The following WDHD1 variants were observed in gnomAD, a reference collection of about 807,000 sequenced individuals.
The protein encoded by WDHD1 is WD repeat and HMG-box DNA binding protein 1.
A neutral mutation model predicts 135.4 loss-of-function variants in WDHD1; 111 were observed. That is an observed-to-expected ratio of 0.82 (90% CI 0.70 to 0.96). The LOEUF (loss-of-function observed/expected upper bound fraction) is 0.96. Among genes scored for constraint, WDHD1 ranks in the 40% least tolerant of loss-of-function variants. The pLI, the probability that WDHD1 is intolerant of heterozygous loss-of-function variation, is 0.00. For missense variants in WDHD1, 1,351 were observed against 1,336.3 expected (o/e 1.01, Z -0.17); for synonymous variants, 434 against 439.0 (o/e 0.99, Z 0.14).
chr14:55,004,961 G>A, intron 7 of WDHD1: 1 of 540,418 alleles, frequency 1.9e-6, no homozygotes, highest in South Asian at 1.4e-5. Context: ...CATCAGACCA[G>A]TCTGCAACCT....
chr14:54,987,109 T>C, intron 14 of WDHD1, 37 bp downstream of exon 14: 1 of 1,601,598 alleles, frequency 6.2e-7, no homozygotes, highest in Non-Finnish European at 8.5e-7. Context: ...GTAATTTCCA[T>C]TTTACTTCAA....
intron 11 of WDHD1, among the ~76,000 whole-genome samples, chr14:54,993,671 C>T (rs1238697212): frequency 6.6e-6 from 1 of 152,052 alleles, no homozygotes; most frequent in Non-Finnish European, 1.5e-5. Flanking sequence ...TAGACTTAAT[C>T]CAGAAAAGTA....
chr14:54,986,225 A>G (rs1216770228), intron 14 of WDHD1, among the ~76,000 whole-genome samples: 1 of 152,250 alleles, frequency 6.6e-6, no homozygotes, highest in East Asian at 1.9e-4. Context: ...TGAAATAAAA[A>G]AATTTAAACT....
intron 2 of WDHD1, among the ~76,000 whole-genome samples, chr14:55,016,159 G>T (rs190868404): frequency 1.5e-3 from 235 of 152,314 alleles, no homozygotes; most frequent in Non-Finnish European, 1.6e-3. Flanking sequence ...AGAGCTTTTA[G>T]AGTAGTCTGA....
rs199983052 is a variant in WDHD1, at chr14:54,941,721, G to A, written c.3190-31C>T. The stretch of plus-strand genomic sequence containing the variant: ...TAAAATGGCAGGAGTGAAAAGGAAA[G>A]ATTTTTAGAAAATAACAAATAAGAA... On this transcript the variant is annotated intron_variant, in intron 25 of 25. Transcript: ENST00000360586. 6.3e-4 allele frequency: 975 copies of A among 1,552,972 alleles called. 5 individuals are homozygous for A. The highest frequency in any genetic ancestry group is 3.4e-3 in the Middle Eastern group (20 of 5,828).
intron 24 of WDHD1, among the ~76,000 whole-genome samples, chr14:54,954,793 G>A (rs559086753): frequency 2.0e-5 from 3 of 152,264 alleles, no homozygotes; most frequent in South Asian, 4.1e-4. Context: ...GCAGCGGTGT[G>A]ATCTCAGATG....
At position 54,966,405 on chromosome 14, in the gene WDHD1, G is replaced by C. The variant is rs1056928906; in HGVS notation, c.2310+70C>G. ...TTGTGGGACTTAGTCCTAATGCACAGACCTTTAAGAAATTCAACCTATAGA... is the reference window on the plus strand; with the variant it reads ...TTGTGGGACTTAGTCCTAATGCACACACCTTTAAGAAATTCAACCTATAGA... On this transcript the variant is annotated intron_variant, in intron 18 of 25. Coordinates refer to ENST00000360586, the MANE Select transcript of WDHD1 (RefSeq NM_007086.4). 29 of 1,515,598 alleles carry C rather than the reference G, an allele frequency of 1.9e-5. No individual in the cohort carries two copies. In the African/African-American group the frequency reaches 4.1e-4, roughly 21 times the overall value. The allele number at this position is 1,515,598 out of a possible 1,614,324, so 93.9% of individuals were successfully genotyped here. A position where few individuals can be genotyped will look rare whatever the true frequency, so the allele number is the denominator to read the frequency against.
chr14:54,981,738 G>A (rs2140190228), intron 15 of WDHD1, 42 bp from the exon 16 acceptor site: 1 of 1,349,784 alleles, frequency 7.4e-7, no homozygotes, highest in Non-Finnish European at 1.0e-6. Context: ...ATAGCTACAT[G>A]TTGTTAAAGG....
intron 8 of WDHD1, 39 bp from the exon 9 acceptor site, chr14:55,001,031 A>G: frequency 7.6e-7 from 1 of 1,307,960 alleles, no homozygotes; most frequent in South Asian, 1.7e-5. Flanking sequence ...GATTTTGTAA[A>G]ATTTCAAACT....
Position 54,995,612 on chromosome 14 carries a change from TTTCATCATC to T in WDHD1, c.1135_1143del (p.Asp379_Glu381del). The T allele has an allele frequency of 6.3e-7, 1 of 1,590,684 alleles. No homozygotes were observed. The highest frequency in any genetic ancestry group is 8.5e-7 in the Non-Finnish European group (1 of 1,170,252). Reference sequence around the variant, plus strand: ...AAAGTCAAATTCTTACCAACTGAGTTTTCATCATCTTCTAGGATGTGACTTCGCTGTCTA... The same window carrying T: ...AAAGTCAAATTCTTACCAACTGAGTTTTCTAGGATGTGACTTCGCTGTCTA... On this transcript the variant is annotated inframe_deletion, in exon 11 of 26. Transcript: ENST00000360586.
intron 24 of WDHD1, among the ~76,000 whole-genome samples, chr14:54,947,615 G>A (rs1023334150): frequency 1.3e-5 from 2 of 151,888 alleles, no homozygotes; most frequent in Non-Finnish European, 2.9e-5. Flanking sequence ...TTTCTGAGAT[G>A]GAGTCTCACT....
intron 16 of WDHD1, among the ~76,000 whole-genome samples, chr14:54,979,757 T>C (rs190082256): frequency 6.6e-6 from 1 of 152,372 alleles, no homozygotes; most frequent in Admixed American, 6.5e-5. Flanking sequence ...AAAAGTCTCC[T>C]ATACTATCCA....
Position 54,981,658 on chromosome 14 carries a change from T to A in WDHD1, c.1945A>T (p.Met649Leu). Reference protein sequence around the residue: ...CYVDSEGIVRMLNRGLGNTWT... With the variant: ...CYVDSEGIVRLLNRGLGNTWT... ...GTATTACCAAGTCCTCTGTTAAGCA[T>A]TCGAACAATTCCTTCTGAATCCACG... Residue 649 changes from methionine to leucine, a missense_variant, in exon 16 of 26, where the codon ATG (methionine) becomes TTG (leucine). Met to Leu is a conservative substitution (Grantham distance 15, BLOSUM62 2). Transcript: ENST00000360586. 6.2e-7 allele frequency: 1 copy of A among 1,611,684 alleles called. No individual in the cohort carries two copies. The highest frequency in any genetic ancestry group is 8.5e-7 in the Non-Finnish European group (1 of 1,178,108).
At chr14:54,974,195 G>A (rs1254559710) in intron 16 of WDHD1, among the ~76,000 whole-genome samples, 1 of 151,884 alleles carries the variant, frequency 6.6e-6, no homozygotes, top group Non-Finnish European at 1.5e-5. Flanking sequence ...GCTGAGGTAG[G>A]CAGATCGCTT....
At chr14:54,942,759 G>A (rs2040859573) in intron 25 of WDHD1, among the ~76,000 whole-genome samples, 1 of 151,978 alleles carries the variant, frequency 6.6e-6, no homozygotes, top group African/African-American at 2.4e-5. Context: ...TATTTCCCTG[G>A]CCATTTCAAG....
At chr14:54,967,647 G>T (rs748769721) in intron 16 of WDHD1, among the ~76,000 whole-genome samples, 3 of 151,998 alleles carry the variant, frequency 2.0e-5, no homozygotes, top group Non-Finnish European at 2.9e-5. Flanking sequence ...TTGAGACAGG[G>T]TCTCACTGTG....
rs1328848559 is a variant in WDHD1, at chr14:54,984,776, G to A, written c.1853C>T (p.Pro618Leu). 2.5e-6 allele frequency: 4 copies of A among 1,613,736 alleles called. No homozygotes were observed. Among genetic ancestry groups the A allele is most frequent in the Non-Finnish European group, 3.4e-6 (4 of 1,179,924 alleles). Residue 618 changes from proline (P) to leucine (L), a missense_variant, in exon 15 of 26, where the codon CCT becomes CTT. Physicochemically the swap from Pro to Leu is moderately conservative, Grantham distance 98 (BLOSUM62 -3). Around this residue, in one of 2 missense-constraint regions of WDHD1, gnomAD observed 1,330 missense variants for 1,296.1 expected, o/e 1.03. Transcript: ENST00000360586. ...KKKKQILHGD[P>L]LPLTRKSYLA... is the part of the protein sequence containing the mutation. ...GTAGGATTTCCTTGTAAGAGGAAGA[G>A]GGTCACCATGCAAAATTTGTTTTTT...
chr14:54,962,989 C>G lies in WDHD1; in HGVS notation c.2494G>C (p.Glu832Gln). Reference protein sequence around the residue: ...ELTATQVEEEEEEEDFRKKLN... With the variant: ...ELTATQVEEEQEEEDFRKKLN... Reference sequence around the variant, plus strand: ...TTTTTTCTGAAATCTTCTTCTTCTTCTTCCTCTTCCACCTGGGTTGCTGTC... The same window carrying G: ...TTTTTTCTGAAATCTTCTTCTTCTTGTTCCTCTTCCACCTGGGTTGCTGTC... Residue 832 changes from glutamate to glutamine, a missense_variant, in exon 19 of 26, where the codon GAA becomes CAA. Coordinates refer to ENST00000360586, the MANE Select transcript of WDHD1 (RefSeq NM_007086.4). The G allele has an allele frequency of 6.2e-7, 1 of 1,613,864 alleles. No individual in the cohort carries two copies.
rs753679196 is a variant in WDHD1, at chr14:55,026,804, CTGAAAATGTTTTATAAA to C, written c.-16-18_-16-2del. On this transcript the variant is annotated splice_acceptor_variant and splice_polypyrimidine_tract_variant and intron_variant, in intron 1 of 25. Transcript: ENST00000360586. LOFTEE classifies it low-confidence loss of function (5UTR_SPLICE). The stretch of plus-strand genomic sequence containing the variant: ...GGCAGGCATGTTTTCCTTTACCTAT[CTGAAAATGTTTTATAAA>C]AGCCAGTCTTATTATTTCAAAAGAG... 4 of 1,613,856 alleles carry C rather than the reference CTGAAAATGTTTTATAAA, an allele frequency of 2.5e-6. No individual in the cohort carries two copies. In the Admixed American group the frequency reaches 6.7e-5, roughly 27 times the overall value.
Sources: allele counts gnomAD v4.1 joint callset (sites outside exome capture counted in the v4.1 genomes callset), GRCh38; gene constraint gnomAD v4.1.1; regional missense constraint gnomAD v4.1.1; transcripts MANE v1.5; gene names NCBI Gene and HGNC (gene_info 2026-07-23, HGNC 2026-07-21).